Variants in ACER1 observed in about 807,000 individuals in gnomAD.
ACER1 encodes CTB-180A7.3.
Under a neutral mutation model 24.9 loss-of-function variants are expected in ACER1, and 28 were observed. That is an observed-to-expected ratio of 1.13 (90% confidence interval 0.83 to 1.54). ACER1 has a LOEUF of 1.54. Ranked by LOEUF, ACER1 falls within the 40% of genes most tolerant of loss-of-function variation. The probability of loss-of-function intolerance (pLI) is 0.00; values close to 1 mark genes in which losing one functional copy is unlikely to be tolerated. For missense variants in ACER1, 352 were observed against 349.3 expected (o/e 1.01, Z -0.06); for synonymous variants, 132 against 131.4 (o/e 1.00, Z -0.03).
intron 1 of ACER1, among the ~76,000 whole-genome samples, chr19:6,325,243 G>A (rs1214506670): frequency 6.6e-6 from 1 of 152,162 alleles, no homozygotes; most frequent in Non-Finnish European, 1.5e-5. Flanking sequence ...TTTGGCCCCT[G>A]AAAACCTTTC....
intron 1 of ACER1, among the ~76,000 whole-genome samples, chr19:6,320,154 A>AAC (rs1436451313): frequency 6.6e-6 from 1 of 150,990 alleles, no homozygotes; most frequent in Admixed American, 6.6e-5. Flanking sequence ...ATACATCTCC[A>AAC]ACATCTCCTC....
At chr19:6,335,224 CTT>C (rs146932699), upstream of ACER1, among the ~76,000 whole-genome samples, 12 of 102,192 alleles carry the variant, frequency 1.2e-4, no homozygotes, top group East Asian at 5.6e-4. Flanking sequence ...ATTTAACGTT[CTT>C]TTTTTTTTTT....
the ACER1 span, among the ~76,000 whole-genome samples, chr19:6,349,324 A>G: frequency 6.6e-6 from 1 of 150,684 alleles, no homozygotes; most frequent in African/African-American, 2.4e-5. Context: ...AAATAAAAGA[A>G]AGAAAGAGAG....
At chr19:6,328,678 G>GT (rs554758256) in intron 1 of ACER1, among the ~76,000 whole-genome samples, 5 of 150,088 alleles carry the variant, frequency 3.3e-5, no homozygotes, top group South Asian at 4.3e-4. Flanking sequence ...ACAAAACAAT[G>GT]TTTTTTTAGA....
the ACER1 span, among the ~76,000 whole-genome samples, chr19:6,357,042 C>CTTT: frequency 5.7e-4 from 71 of 124,488 alleles, no homozygotes; most frequent in South Asian, 1.6e-3. Context: ...TGAGCTGAGA[C>CTTT]TTTTTTTTTT....
the ACER1 span, among the ~76,000 whole-genome samples, chr19:6,339,672 GTT>G: frequency 6.6e-6 from 1 of 151,936 alleles, no homozygotes; most frequent in Non-Finnish European, 1.5e-5. Flanking sequence ...TTTTGTTTTT[GTT>G]TTTTGTTTTT....
the ACER1 span, among the ~76,000 whole-genome samples, chr19:6,345,171 A>G: frequency 3.9e-5 from 6 of 152,166 alleles, no homozygotes; most frequent in African/African-American, 1.2e-4. Flanking sequence ...CTGGGATTAC[A>G]GGCGTGAGCC....
chr19:6,329,839 T>A (rs537479061), intron 1 of ACER1, among the ~76,000 whole-genome samples: 17 of 151,754 alleles, frequency 1.1e-4, no homozygotes, highest in African/African-American at 3.9e-4. Context: ...CCAGCTAGTT[T>A]TTATTTTTAT....
chr19:6,337,851 G>A (rs570211442), upstream of ACER1, among the ~76,000 whole-genome samples: 270 of 150,174 alleles, frequency 1.8e-3, 1 homozygote, highest in African/African-American at 6.3e-3. Context: ...TAATTTTTTT[G>A]TATTTTTAGT....
intron 1 of ACER1, among the ~76,000 whole-genome samples, chr19:6,316,693 GC>G (rs2091604728): frequency 1.3e-5 from 2 of 151,640 alleles, no homozygotes; most frequent in East Asian, 3.9e-4. Flanking sequence ...GGTGGTGCAT[GC>G]CTATAATCCC....
the ACER1 span, among the ~76,000 whole-genome samples, chr19:6,352,602 A>C: frequency 6.6e-6 from 1 of 152,228 alleles, no homozygotes; most frequent in African/African-American, 2.4e-5. Context: ...TAACTGAAAC[A>C]CAGGTGTATG....
intron 4 of ACER1, among the ~76,000 whole-genome samples, chr19:6,308,796 T>C (rs978264233): frequency 3.9e-5 from 6 of 152,282 alleles, no homozygotes; most frequent in African/African-American, 1.4e-4. Context: ...GAGAAATATG[T>C]AACAGATTGA....
the ACER1 span, among the ~76,000 whole-genome samples, chr19:6,356,481 AAAATAAAT>A: frequency 7.0e-6 from 1 of 142,980 alleles, no homozygotes; most frequent in East Asian, 1.9e-4. Flanking sequence ...AAAAATAAAT[AAAATAAAT>A]AAATAAATAA....
Position 6,306,583 on chromosome 19 carries a change from A to G in ACER1, c.*131T>C. On this transcript the variant is annotated 3_prime_UTR_variant, in exon 6 of 6. Transcript: ENST00000301452. ...GCCTCAAGGCAGGGCAGCGCAGGAC[A>G]AGGAGGACACGGAAGGGGAAACAGA... The G allele has an allele frequency of 8.8e-7, 1 of 1,129,952 alleles. No homozygotes were observed. Among genetic ancestry groups the G allele is most frequent in the South Asian group, 1.6e-5 (1 of 62,168 alleles). 70.0% of individuals were successfully genotyped at this position (1,129,952 alleles called of 1,614,324 possible). A position where few individuals can be genotyped will look rare whatever the true frequency, so the allele number is the denominator to read the frequency against.
chr19:6,339,318 G>A, the ACER1 span, among the ~76,000 whole-genome samples: 2,636 of 152,250 alleles, frequency 0.017, 81 homozygotes, highest in African/African-American at 0.059. Context: ...AGGCAACAAC[G>A]TGGATGGACT....
At chr19:6,328,566 C>T (rs2091672494) in intron 1 of ACER1, among the ~76,000 whole-genome samples, 1 of 151,450 alleles carries the variant, frequency 6.6e-6, no homozygotes, top group South Asian at 2.1e-4. Context: ...AAGGTTGGCC[C>T]TGGGTGCAGT....
At chr19:6,310,513 T>C (rs1453105256) in intron 3 of ACER1, among the ~76,000 whole-genome samples, 1 of 151,752 alleles carries the variant, frequency 6.6e-6, no homozygotes, top group African/African-American at 2.4e-5. Context: ...GAGGTTTCAG[T>C]GGGCCAAGAT....
At chr19:6,345,965 T>G in the ACER1 span, among the ~76,000 whole-genome samples, 1 of 151,810 alleles carries the variant, frequency 6.6e-6, no homozygotes, top group African/African-American at 2.4e-5. Context: ...CAGGCTCAAG[T>G]GATCCTCCCA....
chr19:6,358,982 A>C, the ACER1 span, among the ~76,000 whole-genome samples: 1 of 149,842 alleles, frequency 6.7e-6, no homozygotes, highest in East Asian at 2.0e-4. Context: ...TTCATGTCTC[A>C]GCAGTTTGGA....
Sources: allele counts gnomAD v4.1 joint callset (sites outside exome capture counted in the v4.1 genomes callset), GRCh38; gene constraint gnomAD v4.1.1; transcripts MANE v1.5; gene names NCBI Gene and HGNC (gene_info 2026-07-23, HGNC 2026-07-21).